SPTAN1: variants seen among roughly 807,000 people sequenced by gnomAD.
The protein encoded by SPTAN1 is spectrin alpha, non-erythrocytic 1, also known as spectrin alpha chain, non-erythrocytic 1.
In SPTAN1, 61 loss-of-function variants were observed where a neutral mutation model predicts 331.3. The observed-to-expected ratio is 0.18, with a 90% confidence interval of 0.15 to 0.23. The LOEUF is 0.23. SPTAN1 is among the 10% of genes least tolerant of loss of function. SPTAN1 has a pLI of 1.00. For synonymous variants in SPTAN1, 1,153 were observed against 1,173.9 expected (o/e 0.98, Z 0.36); for missense variants, 2,043 against 3,147.9 (o/e 0.65, Z 8.40).
chr9:128,584,085 C>G, intron 16 of SPTAN1, 116 bp downstream of exon 16: 1 of 1,475,294 alleles, frequency 6.8e-7, no homozygotes, highest in Non-Finnish European at 9.3e-7. Context: ...TGTTGATTTT[C>G]TTAGATCGCT....
intron 37 of SPTAN1, among the ~76,000 whole-genome samples, chr9:128,610,782 T>G (rs957281370): frequency 2.0e-5 from 3 of 152,158 alleles, no homozygotes; most frequent in Non-Finnish European, 4.4e-5. Context: ...TAAAATAAAT[T>G]CCTTCCTGCA....
rs762956214 is a variant in SPTAN1 at position 128,624,366 on chromosome 9, G to A, written c.5871G>A (p.Lys1957=). ...AGGAGAACATCTCTTCAAAGATGAA[G>A]GGCCTGAACGGGAAAGTGTCAGACC... is the stretch of plus-strand genomic sequence containing the variant. ...HHEENISSKM[K]GLNGKVSDLE... is the part of the protein sequence containing the mutation. The change falls in exon 46 of 57, where the codon AAG becomes AAA. Residue 1957 remains lysine (K), a synonymous_variant. Transcript: ENST00000372739. The A allele has an allele frequency of 1.2e-6, 2 of 1,614,022 alleles. No individual in the cohort carries two copies. Among genetic ancestry groups the A allele is most frequent in the Non-Finnish European group, 1.7e-6 (2 of 1,180,016 alleles).
In SPTAN1 at chr9:128,577,421, G is replaced by A; in HGVS notation, c.1000G>A (p.Val334Met). ...CCCTCTGAGTGCAACACAGATTCAA[G>A]TGAAGCGAGAGGAACTGATTACAAA... Reference protein sequence around the residue: ...SHPLSATQIQVKREELITNWE... With the variant: ...SHPLSATQIQMKREELITNWE... Residue 334 changes from valine to methionine, a missense_variant, in exon 8 of 57, where the codon GTG (valine) becomes ATG (methionine). By Grantham distance (21) the Val-to-Met change is conservative. Transcript: ENST00000372739. This position sits in a 1 kb window ranked among gnomAD's most constrained non-coding sequence, Gnocchi z 4.2. 1 of 1,614,212 alleles carries A rather than the reference G, an allele frequency of 6.2e-7. No homozygotes were observed. The highest frequency in any genetic ancestry group is 1.1e-5 in the South Asian group (1 of 91,084).
chr9:128,632,411 A>G lies in SPTAN1; in HGVS notation c.6960-20A>G. 6.2e-7 allele frequency: 1 copy of G among 1,613,926 alleles called. No homozygotes were observed. Among genetic ancestry groups the G allele is most frequent in the Non-Finnish European group, 8.5e-7 (1 of 1,179,954 alleles). ...CTGCTGTGTGGAGGGTCTGTTCCCT[A>G]ATTTCTGTTTTTCTTCCAGGAACAC... On this transcript the variant is annotated intron_variant, in intron 53 of 56. Coordinates refer to ENST00000372739, the MANE Select transcript of SPTAN1 (RefSeq NM_001130438.3).
chr9:128,594,513 C>T lies in SPTAN1; in HGVS notation c.3414+140C>T, dbSNP rs1853966202. On this transcript the variant is annotated intron_variant, in intron 24 of 56. Transcript: ENST00000372739. ...TGGTATGACTTCGGCTCACTGCAAC[C>T]TCTGCCTCCTGGGTTCAAGTGGTTC... 3.8e-6 allele frequency: 3 copies of T among 796,390 alleles called. No homozygotes were observed. In the East Asian group the frequency reaches 8.2e-5, roughly 22 times the overall value. 49.3% of individuals were successfully genotyped at this position (796,390 alleles called of 1,614,324 possible).
intron 13 of SPTAN1, 44 bp downstream of exon 13, chr9:128,582,600 A>G (rs766688827): frequency 1.2e-6 from 2 of 1,611,800 alleles, no homozygotes; most frequent in East Asian, 2.2e-5. Context: ...TGGTACATGA[A>G]TGTCTCTTCT....
intron 43 of SPTAN1, 51 bp downstream of exon 43, chr9:128,618,159 C>G (rs1294143240): frequency 6.2e-7 from 1 of 1,609,936 alleles, no homozygotes; most frequent in Non-Finnish European, 8.5e-7. Context: ...GGCCAGCACC[C>G]AAGGGCAGAC....
chr9:128,607,513 G>A lies in SPTAN1; in HGVS notation c.4047-91G>A. ...AGATTAACCCAAGATAACTTTCTGA[G>A]GCAAGAATTATGTCATTCTCTGTTT... On this transcript the variant is annotated intron_variant, in intron 31 of 56. Coordinates refer to ENST00000372739, the MANE Select transcript of SPTAN1 (RefSeq NM_001130438.3). The A allele has an allele frequency of 2.6e-6, 3 of 1,160,214 alleles. No individual in the cohort carries two copies. The South Asian group carries it at 3.7e-5, about 14-fold the overall frequency. The allele number at this position is 1,160,214 out of a possible 1,614,324, so 71.9% of individuals were successfully genotyped here. A position where few individuals can be genotyped will look rare whatever the true frequency, so the allele number is the denominator to read the frequency against.
intron 3 of SPTAN1, among the ~76,000 whole-genome samples, chr9:128,569,514 T>C (rs1850412665): frequency 6.6e-6 from 1 of 151,180 alleles, no homozygotes; most frequent in Admixed American, 6.6e-5. Context: ...GTTTCACATA[T>C]CTAGTATGAA....
chr9:128,609,227 C>T lies in SPTAN1; in HGVS notation c.4701C>T (p.Ile1567=). Residue 1567 remains isoleucine, a synonymous_variant, in exon 36 of 57, where the codon ATC becomes ATT. Transcript: ENST00000372739. ...SRDVDEIEAW[I]SEKLQTASDE... ...ATGTGGATGAGATTGAGGCTTGGAT[C>T]AGTGAAAAATTGCAAACAGCGAGTG... The T allele has an allele frequency of 6.2e-7, 1 of 1,614,196 alleles. No individual in the cohort carries two copies. The highest frequency in any genetic ancestry group is 2.2e-5 in the East Asian group (1 of 44,888).
rs1367399791 is a variant in SPTAN1, at chr9:128,625,289, C to T, written c.6069+110C>T. The T allele has an allele frequency of 6.2e-6, 7 of 1,133,698 alleles. No homozygotes were observed. Among genetic ancestry groups the T allele is most frequent in the Admixed American group, 3.9e-5 (2 of 51,394 alleles). The allele number at this position is 1,133,698 out of a possible 1,614,324, so 70.2% of individuals were successfully genotyped here. A position where few individuals can be genotyped will look rare whatever the true frequency, so the allele number is the denominator to read the frequency against. ...TCTTCTGTTAGCCCCTGGGGATCAG[C>T]AGGAAAAAGATCCTGTCCTGGTCCT... On this transcript the variant is annotated intron_variant, in intron 47 of 56. Coordinates refer to ENST00000372739, the MANE Select transcript of SPTAN1 (RefSeq NM_001130438.3). This position sits in a 1 kb window ranked among gnomAD's most constrained non-coding sequence, Gnocchi z 4.1.
intron 31 of SPTAN1, among the ~76,000 whole-genome samples, chr9:128,606,497 T>G (rs13283767): frequency 0.66 from 87,207 of 133,086 alleles, 30,990 homozygotes; most frequent in Non-Finnish European, 0.8. Context: ...ATTTTTTTTT[T>G]GGGGGGGGAA....
chr9:128,633,074 A>C, intron 56 of SPTAN1, 119 bp downstream of exon 56: 1 of 1,592,980 alleles, frequency 6.3e-7, no homozygotes, highest in Non-Finnish European at 8.6e-7. Context: ...TTTACAAATC[A>C]AACTCAGTAT....
chr9:128,578,155 G>A lies in SPTAN1; in HGVS notation c.1131G>A (p.Val377=), dbSNP rs1385225432. Residue 377 remains valine, a synonymous_variant, in exon 9 of 57, where the codon GTG becomes GTA. Coordinates refer to ENST00000372739, the MANE Select transcript of SPTAN1 (RefSeq NM_001130438.3). ...ACTTCCGTGACCTCACCAGCTGGGT[G>A]ACTGAGATGAAAGCCCTCATCAATG... ...LADFRDLTSW[V]TEMKALINAD... 5 of 1,614,048 alleles carry A rather than the reference G, an allele frequency of 3.1e-6. No individual in the cohort carries two copies. Among genetic ancestry groups the A allele is most frequent in the Non-Finnish European group, 4.2e-6 (5 of 1,180,054 alleles).
At chr9:128,628,834 C>T in intron 51 of SPTAN1, 1 of 315,284 alleles carries the variant, frequency 3.2e-6, no homozygotes, top group Non-Finnish European at 5.8e-6. Context: ...ACACCCTGGC[C>T]ACCTGACTCC....
Position 128,633,291 on chromosome 9 carries a change from C to T in SPTAN1, c.7391C>T (p.Ala2464Val), listed in dbSNP as rs139070536. ...GGCAAGGGCCGCGAGCTCCCCACCG[C>T]GTTCGACTACGTGGAGTTCACCCGC... ...VDGKGRELPT[A>V]FDYVEFTRSL... Residue 2464 changes from alanine to valine, a missense_variant, in exon 57 of 57, where the codon GCG (alanine) becomes GTG (valine). Physicochemically the swap from Ala to Val is moderately conservative, Grantham distance 64 (BLOSUM62 0). Around this residue, in one of 12 missense-constraint regions of SPTAN1, gnomAD observed 88 missense variants for 96.5 expected, o/e 0.91. Transcript: ENST00000372739. 1.5e-5 allele frequency: 25 copies of T among 1,613,928 alleles called. 1 individual carries two copies. The African/African-American group carries it at 1.9e-4, about 12-fold the overall frequency.
chr9:128,630,106 G>GGCA, intron 51 of SPTAN1: 1 of 732,154 alleles, frequency 1.4e-6, no homozygotes, highest in Non-Finnish European at 2.5e-6. Context: ...CCCACACCAA[G>GGCA]GCAGCAGCTT....
At chr9:128,630,049 C>G in intron 51 of SPTAN1, 1 of 610,186 alleles carries the variant, frequency 1.6e-6, no homozygotes, top group Non-Finnish European at 3.1e-6. Flanking sequence ...AACTCCATTC[C>G]TGAGTCATCC....
At chr9:128,621,694 G>T (rs1466448838) in intron 45 of SPTAN1, 1 of 271,324 alleles carries the variant, frequency 3.7e-6, no homozygotes, top group Non-Finnish European at 7.2e-6. Flanking sequence ...AGATCAAACA[G>T]CCGCAGACTC....
Sources: allele counts gnomAD v4.1 joint callset (sites outside exome capture counted in the v4.1 genomes callset), GRCh38; gene constraint gnomAD v4.1.1; regional missense constraint gnomAD v4.1.1; non-coding constraint Gnocchi (gnomAD v3.1); transcripts MANE v1.5; gene names NCBI Gene and HGNC (gene_info 2026-07-23, HGNC 2026-07-21).